Variants in ZNF385D observed in about 807,000 individuals in gnomAD.
The protein encoded by ZNF385D is zinc finger protein 659.
In ZNF385D, 15 loss-of-function variants were observed where a neutral mutation model predicts 35.8. The ratio of observed to expected loss-of-function variants is 0.42; its 90% CI spans 0.28 to 0.64. The LOEUF is 0.64. ZNF385D is among the 30% of genes least tolerant of loss of function. The probability of loss-of-function intolerance (pLI) is 0.23; values close to 1 mark genes in which losing one functional copy is unlikely to be tolerated. For missense variants in ZNF385D, 474 were observed against 494.6 expected, an observed-to-expected ratio of 0.96 and a Z score of 0.39; for synonymous variants, 212 against 186.8, an observed-to-expected ratio of 1.13 and a Z score of -1.10.
At chr3:21,598,589 TAG>T (rs2064191167) in intron 2 of ZNF385D, among the ~76,000 whole-genome samples, 1 of 152,166 alleles carries the variant, frequency 6.6e-6, no homozygotes, top group African/African-American at 2.4e-5. Context: ...GACAAAAGGC[TAG>T]AGTCTCAAAA....
At chr3:21,613,380 TCTTA>T (rs1056250141) in intron 2 of ZNF385D, among the ~76,000 whole-genome samples, 44 of 152,002 alleles carry the variant, frequency 2.9e-4, no homozygotes, top group Middle Eastern at 6.4e-3. Flanking sequence ...GTTTTTATAG[TCTTA>T]CTTATTTTTT....
chr3:22,324,699 C>G (rs1694595407), intron 2 of ZNF385D, among the ~76,000 whole-genome samples: 2 of 152,198 alleles, frequency 1.3e-5, no homozygotes, highest in South Asian at 4.2e-4. Flanking sequence ...TTCTAAAATG[C>G]ACTTGGAAAA....
chr3:21,754,308 A>G (rs2125565942), upstream of ZNF385D, among the ~76,000 whole-genome samples: 1 of 152,230 alleles, frequency 6.6e-6, no homozygotes, highest in African/African-American at 2.4e-5. Context: ...GCTTCTAGGG[A>G]AGAATCTGGT....
chr3:21,710,539 G>C (rs911622811), intron 1 of ZNF385D, among the ~76,000 whole-genome samples: 1 of 152,158 alleles, frequency 6.6e-6, no homozygotes, highest in Non-Finnish European at 1.5e-5. Context: ...ATATTGGTGA[G>C]CAGTGCCCAA....
chr3:21,562,483 C>G (rs1436643853), intron 3 of ZNF385D, among the ~76,000 whole-genome samples: 1 of 151,948 alleles, frequency 6.6e-6, no homozygotes, highest in African/African-American at 2.4e-5. Context: ...AGGTGAAATT[C>G]TTGCACTTAG....
At chr3:22,306,176 T>A (rs963299655) in intron 2 of ZNF385D, among the ~76,000 whole-genome samples, 2 of 152,064 alleles carry the variant, frequency 1.3e-5, no homozygotes, top group Non-Finnish European at 2.9e-5. Context: ...TGAGGATAAA[T>A]TGCCCTTGAC....
chr3:22,063,895 G>T (rs1444196392), intron 3 of ZNF385D, among the ~76,000 whole-genome samples: 2 of 152,194 alleles, frequency 1.3e-5, no homozygotes, highest in African/African-American at 4.8e-5. Context: ...TGTTTTGACA[G>T]CAGGACACCT....
At chr3:21,502,450 T>A (rs1205717613) in intron 4 of ZNF385D, among the ~76,000 whole-genome samples, 2 of 152,200 alleles carry the variant, frequency 1.3e-5, no homozygotes, top group African/African-American at 4.8e-5. Flanking sequence ...AGGTAAGGAA[T>A]CCAGTTGTTC....
intron 3 of ZNF385D, among the ~76,000 whole-genome samples, chr3:21,776,374 A>G (rs1185865231): frequency 6.6e-6 from 1 of 151,958 alleles, no homozygotes; most frequent in Non-Finnish European, 1.5e-5. Context: ...CCAATTTACA[A>G]TCACATCACA....
intron 3 of ZNF385D, among the ~76,000 whole-genome samples, chr3:22,028,789 CCAT>C (rs1466395191): frequency 6.6e-6 from 1 of 152,174 alleles, no homozygotes; most frequent in Admixed American, 6.5e-5. Context: ...CCCATGTTCC[CCAT>C]CATCTTGAAG....
chr3:22,060,621 T>A (rs1186102137), intron 3 of ZNF385D, among the ~76,000 whole-genome samples: 4 of 152,182 alleles, frequency 2.6e-5, no homozygotes, highest in African/African-American at 7.2e-5. Flanking sequence ...AATGAATTCA[T>A]TTTAGATCTC....
intron 2 of ZNF385D, among the ~76,000 whole-genome samples, chr3:21,601,241 C>G (rs923281892): frequency 6.6e-6 from 1 of 152,108 alleles, no homozygotes; most frequent in African/African-American, 2.4e-5. Context: ...ACCAGTTCCT[C>G]AAAAGATTTC....
intron 1 of ZNF385D, among the ~76,000 whole-genome samples, chr3:21,743,491 C>T (rs563680707): frequency 7.4e-4 from 113 of 152,338 alleles, no homozygotes; most frequent in Non-Finnish European, 1.0e-3. Context: ...TTATTTCTCA[C>T]GGTTCTGGAG....
chr3:21,624,400 A>C (rs534809868), intron 2 of ZNF385D, among the ~76,000 whole-genome samples: 5 of 152,194 alleles, frequency 3.3e-5, no homozygotes, highest in Admixed American at 6.6e-5. Flanking sequence ...TTTCCCCATA[A>C]AGCACTGCAA....
chr3:22,250,686 T>C (rs759866015), intron 2 of ZNF385D, among the ~76,000 whole-genome samples: 72 of 152,068 alleles, frequency 4.7e-4, no homozygotes, highest in Admixed American at 1.1e-3. Context: ...CAGAGCCCCA[T>C]GCCATTGCAC....
intron 3 of ZNF385D, among the ~76,000 whole-genome samples, chr3:22,074,299 T>C (rs1029125859): frequency 6.6e-6 from 1 of 151,984 alleles, no homozygotes; most frequent in Non-Finnish European, 1.5e-5. Context: ...CAGAAATAAT[T>C]AGATACATAG....
chr3:22,173,354 A>G (rs1694595566), intron 2 of ZNF385D, among the ~76,000 whole-genome samples: 2 of 152,232 alleles, frequency 1.3e-5, no homozygotes, highest in Non-Finnish European at 2.9e-5. Flanking sequence ...GTTAGTTGTA[A>G]TAAATGTACC....
intron 2 of ZNF385D, among the ~76,000 whole-genome samples, chr3:21,567,883 A>C (rs370120093): frequency 6.6e-6 from 1 of 152,106 alleles, no homozygotes; most frequent in African/African-American, 2.4e-5. Context: ...ATTCAATCCA[A>C]ATTTGTAGAG....
chr3:21,750,903 A>G lies in ZNF385D; in HGVS notation c.14T>C (p.Met5Thr). 1 of 1,614,096 alleles carries G rather than the reference A, an allele frequency of 6.2e-7. No homozygotes were observed. The highest frequency in any genetic ancestry group is 8.5e-7 in the Non-Finnish European group (1 of 1,179,992). Residue 5 changes from methionine (M) to threonine (T), a missense_variant, in exon 1 of 8, where the codon ATG becomes ACG. Met to Thr is a moderately conservative substitution (Grantham distance 81). Transcript: ENST00000281523. ...TCAGAGTGAACACTCACCAAAATAC[A>G]TTATGTTTCTCATTAATCAGACAGC... MRNI[M>T]YFGGTCQSPA...
Sources: gnomAD v4.1 joint callset for allele counts (sites outside exome capture counted in the v4.1 genomes callset) on GRCh38, gnomAD v4.1.1 for gene constraint, MANE v1.5 for transcripts, NCBI Gene and HGNC (gene_info 2026-07-23, HGNC 2026-07-21) for gene names.